Variants in PDE10A observed in about 807,000 individuals in gnomAD.
PDE10A encodes cAMP and cAMP-inhibited cGMP 3',5'-cyclic phosphodiesterase 10A.
In PDE10A, 39 loss-of-function variants were observed where a neutral mutation model predicts 97.7. The observed-to-expected ratio is 0.40, with a 90% CI of 0.31 to 0.52. PDE10A has a LOEUF of 0.52. Among genes scored for constraint, PDE10A ranks in the 20% least tolerant of loss-of-function variants. PDE10A has a pLI of 0.56. For missense variants in PDE10A, 731 were observed against 1,047.8 expected, an observed-to-expected ratio of 0.70 and a Z score of 4.17; for synonymous variants, 371 against 376.8, an observed-to-expected ratio of 0.98 and a Z score of 0.18.
At chr6:165,541,598 T>C (rs1002928642) in intron 2 of PDE10A, among the ~76,000 whole-genome samples, 2 of 152,200 alleles carry the variant, frequency 1.3e-5, no homozygotes, top group Non-Finnish European at 2.9e-5. Flanking sequence ...TATCCCTCAT[T>C]ATATAGCAAG....
chr6:165,540,673 A>G (rs1262748291), intron 2 of PDE10A, among the ~76,000 whole-genome samples: 2 of 152,220 alleles, frequency 1.3e-5, no homozygotes, highest in African/African-American at 4.8e-5. Context: ...TCTGCTGCCC[A>G]GGCTGGAGTG....
At chr6:165,915,813 T>G (rs1401442981) in intron 1 of PDE10A, among the ~76,000 whole-genome samples, 1 of 152,248 alleles carries the variant, frequency 6.6e-6, no homozygotes, top group Non-Finnish European at 1.5e-5. Context: ...TCCTGCTTTT[T>G]CTGATACATC....
At chr6:165,426,782 T>C (rs1345434013) in intron 10 of PDE10A, among the ~76,000 whole-genome samples, 1 of 151,968 alleles carries the variant, frequency 6.6e-6, no homozygotes, top group Non-Finnish European at 1.5e-5. Flanking sequence ...ATAATAAAAA[T>C]ACGAAGAATT....
At chr6:165,371,743 C>G (rs968182130) in intron 18 of PDE10A, among the ~76,000 whole-genome samples, 1 of 151,818 alleles carries the variant, frequency 6.6e-6, no homozygotes, top group Non-Finnish European at 1.5e-5. Context: ...CAGCATCATC[C>G]TGATACCAAA....
intron 1 of PDE10A, chr6:165,781,683 G>A (rs1055503471): frequency 6.6e-6 from 1 of 152,468 alleles, no homozygotes; most frequent in African/African-American, 2.4e-5. Context: ...AGCAGAGGGA[G>A]GAAGAGGAAG....
At chr6:165,526,326 C>T (rs1782444265) in intron 2 of PDE10A, among the ~76,000 whole-genome samples, 1 of 152,050 alleles carries the variant, frequency 6.6e-6, no homozygotes, top group Admixed American at 6.5e-5. Context: ...TCTAGTGGGT[C>T]CCTGGACTCA....
intron 1 of PDE10A, among the ~76,000 whole-genome samples, chr6:165,917,832 G>A (rs558426230): frequency 1.3e-5 from 2 of 152,240 alleles, no homozygotes; most frequent in South Asian, 4.2e-4. Context: ...AGCCCCTCAC[G>A]GGTTCTCTGA....
At chr6:165,371,295 G>C (rs148773374) in intron 18 of PDE10A, among the ~76,000 whole-genome samples, 4 of 152,004 alleles carry the variant, frequency 2.6e-5, no homozygotes, top group Admixed American at 6.6e-5. Flanking sequence ...CCAGGAGCTG[G>C]TTTTTTGAAA....
At chr6:165,895,836 G>A (rs1273725289) in intron 1 of PDE10A, among the ~76,000 whole-genome samples, 1 of 152,156 alleles carries the variant, frequency 6.6e-6, no homozygotes, top group Non-Finnish European at 1.5e-5. Context: ...TGTCAATGGT[G>A]GAGATGATGA....
chr6:165,515,505 CAT>C (rs1244898689), intron 2 of PDE10A, among the ~76,000 whole-genome samples: 3 of 142,990 alleles, frequency 2.1e-5, no homozygotes, highest in East Asian at 2.0e-4. Flanking sequence ...CACACACACA[CAT>C]ATATATGCTT....
intron 1 of PDE10A, among the ~76,000 whole-genome samples, chr6:165,855,060 A>G (rs145537591): frequency 6.6e-6 from 1 of 152,060 alleles, no homozygotes; most frequent in African/African-American, 2.4e-5. Context: ...GGGAAGGAGG[A>G]CGGGCCAGCC....
chr6:165,740,536 T>C (rs1476051517), intron 1 of PDE10A, among the ~76,000 whole-genome samples: 1 of 152,152 alleles, frequency 6.6e-6, no homozygotes. Context: ...GTTTTCACTG[T>C]GTTAGCGAGG....
intron 1 of PDE10A, among the ~76,000 whole-genome samples, chr6:165,875,796 G>C (rs2128479654): frequency 6.8e-6 from 1 of 147,674 alleles, no homozygotes; most frequent in South Asian, 2.2e-4. Context: ...AATCCTACCA[G>C]ATGTTTGATA....
intron 18 of PDE10A, among the ~76,000 whole-genome samples, chr6:165,377,814 G>A (rs1291737182): frequency 1.3e-5 from 2 of 152,276 alleles, no homozygotes; most frequent in East Asian, 3.9e-4. Flanking sequence ...CATAAAGACT[G>A]TAGACCACAC....
intron 18 of PDE10A, among the ~76,000 whole-genome samples, chr6:165,378,418 A>T (rs1784745217): frequency 6.6e-6 from 1 of 152,200 alleles, no homozygotes; most frequent in South Asian, 2.1e-4. Context: ...GCAAACAGGA[A>T]CAGGAAAGCC....
At chr6:165,508,101 C>T (rs1431197434) in intron 2 of PDE10A, among the ~76,000 whole-genome samples, 1 of 151,966 alleles carries the variant, frequency 6.6e-6, no homozygotes, top group African/African-American at 2.4e-5. Context: ...CTTGACAAAA[C>T]GACACGTACA....
At chr6:165,539,511 T>G (rs1783294966) in intron 2 of PDE10A, among the ~76,000 whole-genome samples, 1 of 152,216 alleles carries the variant, frequency 6.6e-6, no homozygotes, top group African/African-American at 2.4e-5. Context: ...AAATTACAAC[T>G]CCTTCCTTCT....
chr6:165,882,519 G>C (rs1414689368), intron 1 of PDE10A, among the ~76,000 whole-genome samples: 1 of 152,134 alleles, frequency 6.6e-6, no homozygotes, highest in Non-Finnish European at 1.5e-5. Context: ...AGGATAACAA[G>C]ACCTTCTGCT....
intron 1 of PDE10A, among the ~76,000 whole-genome samples, chr6:165,619,389 A>ATAGTG (rs1199650709): frequency 3.3e-4 from 1 of 3,064 alleles, no homozygotes; most frequent in Non-Finnish European, 6.2e-4. Flanking sequence ...GTAGTCTAGT[A>ATAGTG]TAGTGTAGTG....
Sources: gnomAD v4.1 joint callset for allele counts (sites outside exome capture counted in the v4.1 genomes callset) on GRCh38, gnomAD v4.1.1 for gene constraint, MANE v1.5 for transcripts, NCBI Gene and HGNC (gene_info 2026-07-23, HGNC 2026-07-21) for gene names.